ZP3: variants seen among roughly 807,000 people sequenced by gnomAD.
The protein encoded by ZP3 is zona pellucida glycoprotein 3.
In ZP3, 21 loss-of-function variants were observed where a neutral mutation model predicts 35.6. The ratio of observed to expected loss-of-function variants is 0.59; its 90% confidence interval spans 0.42 to 0.85. ZP3 has a LOEUF of 0.85. Among genes scored for constraint, ZP3 ranks in the 40% least tolerant of loss-of-function variants. The pLI, the probability that ZP3 is intolerant of heterozygous loss-of-function variation, is 0.00. For synonymous variants in ZP3, 207 were observed against 214.5 expected (o/e 0.96, Z 0.31); for missense variants, 437 against 536.5 (o/e 0.81, Z 1.83).
chr7:76,406,784 G>C (rs1416258793), intron 1 of ZP3, among the ~76,000 whole-genome samples: 1 of 139,378 alleles, frequency 7.2e-6, no homozygotes, highest in South Asian at 2.3e-4. Flanking sequence ...TCCTAAATCA[G>C]AAAAAAAAAA....
intron 1 of ZP3, among the ~76,000 whole-genome samples, chr7:76,410,287 T>C (rs1480007851): frequency 1.3e-5 from 2 of 151,790 alleles, no homozygotes; most frequent in African/African-American, 4.8e-5. Flanking sequence ...TGCCTCGGCC[T>C]CCCAAAGTGC....
chr7:76,421,638 A>T (rs905483229), upstream of ZP3, among the ~76,000 whole-genome samples: 10 of 150,640 alleles, frequency 6.6e-5, no homozygotes, highest in Non-Finnish European at 1.5e-4. Flanking sequence ...AGTCTCGCCC[A>T]GGCTGGAGTG....
chr7:76,418,961 A>G (rs1026232792), intron 1 of ZP3, among the ~76,000 whole-genome samples: 6 of 152,202 alleles, frequency 3.9e-5, no homozygotes, highest in African/African-American at 1.4e-4. Context: ...AACAGAAAGT[A>G]TCAGAGAGAC....
chr7:76,432,711 G>GT (rs1223945409), intron 2 of ZP3, among the ~76,000 whole-genome samples: 1 of 152,198 alleles, frequency 6.6e-6, no homozygotes, highest in East Asian at 1.9e-4. Flanking sequence ...CATAGCATCA[G>GT]TTAGGATGGC....
intron 1 of ZP3, among the ~76,000 whole-genome samples, chr7:76,404,768 A>C (rs1005029249): frequency 6.6e-6 from 1 of 150,830 alleles, no homozygotes; most frequent in Admixed American, 6.6e-5. Context: ...CCTGTCTGTT[A>C]CCAAAAAATG....
At chr7:76,436,030 C>CTTTTTTTTTTTTTTT (rs60553917) in intron 5 of ZP3, among the ~76,000 whole-genome samples, 4 of 74,358 alleles carry the variant, frequency 5.4e-5, no homozygotes, top group East Asian at 5.5e-4. Context: ...CCCCCGCCCC[C>CTTTTTTTTTTTTTTT]TTTTTTTTTT....
chr7:76,404,475 A>C, intron 1 of ZP3: 1 of 1,613,670 alleles, frequency 6.2e-7, no homozygotes, highest in Non-Finnish European at 8.5e-7. Context: ...GCTCCCATCA[A>C]GGCGCCAGGG....
upstream of ZP3, among the ~76,000 whole-genome samples, chr7:76,421,889 G>C (rs1244772726): frequency 1.3e-5 from 2 of 149,814 alleles, no homozygotes; most frequent in Non-Finnish European, 3.0e-5. Flanking sequence ...CCTTGCAGTA[G>C]ACTTTTGTTG....
chr7:76,436,029 CCTTTTTTTTTTTTTT>C, intron 5 of ZP3, among the ~76,000 whole-genome samples: 2 of 128,100 alleles, frequency 1.6e-5, no homozygotes, highest in Non-Finnish European at 3.3e-5. Flanking sequence ...CCCCCCGCCC[CCTTTTTTTTTTTTTT>C]TTTTTTTTTT....
In ZP3 at chr7:76,432,980, C is replaced by T. The variant is rs200478046; in HGVS notation, c.485C>T (p.Thr162Ile). 33 of 1,614,116 alleles carry T rather than the reference C, an allele frequency of 2.0e-5. No homozygotes were observed. The highest frequency in any genetic ancestry group is 1.6e-4 in the Middle Eastern group (1 of 6,062). Residue 162 changes from threonine (T) to isoleucine (I), a missense_variant, in exon 3 of 8, where the codon ACC (threonine) becomes ATC (isoleucine). Around this residue, in one of 6 missense-constraint regions of ZP3, gnomAD observed 352 missense variants for 308.4 expected, o/e 1.14. Transcript: ENST00000394857. ...CTGCCCACCTGGTTGCCCTTCAGGA[C>T]CACGGTGTTCTCAGAGGAGAAGCTG... ...AILPTWLPFR[T>I]TVFSEEKLTF...
intron 1 of ZP3, among the ~76,000 whole-genome samples, chr7:76,418,722 G>GGT (rs1563693742): frequency 0.01 from 1,566 of 152,012 alleles, 27 homozygotes; most frequent in African/African-American, 0.036. Context: ...CGGGCGTGGT[G>GGT]GCAGGCGCCT....
intron 1 of ZP3, among the ~76,000 whole-genome samples, chr7:76,407,535 C>T (rs577684321): frequency 2.0e-5 from 3 of 151,900 alleles, no homozygotes; most frequent in Non-Finnish European, 2.9e-5. Context: ...ATTTCAAGAC[C>T]GGCCTAGGCA....
rs201006719 is a variant in ZP3 at position 76,433,002 on chromosome 7, G to A, written c.507G>A (p.Lys169=). The A allele has an allele frequency of 1.2e-6, 2 of 1,614,140 alleles. No homozygotes were observed. Among genetic ancestry groups the A allele is most frequent in the Non-Finnish European group, 8.5e-7 (1 of 1,180,022 alleles). Reference sequence around the variant, plus strand: ...GGACCACGGTGTTCTCAGAGGAGAAGCTGACTTTCTCTCTGCGTCTGATGG... The same window carrying A: ...GGACCACGGTGTTCTCAGAGGAGAAACTGACTTTCTCTCTGCGTCTGATGG... ...PFRTTVFSEE[K]LTFSLRLMEE... The change falls in exon 3 of 8, where the codon AAG becomes AAA. Residue 169 remains lysine, a synonymous_variant. Transcript: ENST00000394857.
chr7:76,397,925 C>A, intron 1 of ZP3: 5 of 1,285,246 alleles, frequency 3.9e-6, no homozygotes, highest in Non-Finnish European at 4.2e-6. Flanking sequence ...GGATCTACAA[C>A]CCTTGGGCAT....
At position 76,413,437 on chromosome 7, in the gene ZP3, A is replaced by AT. The variant is rs200182707; in HGVS notation, c.-66-11606dup. On this transcript the variant is annotated intron_variant, in intron 1 of 8. Coordinates refer to the ZP3 transcript ENST00000336517. ...GCCACCACAACTTGCTAATTTCTGTATTTTTTTTTAGTAGAGTCAGGGTTT... is the reference window on the plus strand; with the variant it reads ...GCCACCACAACTTGCTAATTTCTGTATTTTTTTTTTAGTAGAGTCAGGGTTT... Among the ~76,000 whole-genome samples the AT allele has an allele frequency of 4.1e-3, 603 of 147,390 alleles. 4 individuals carry two copies. Among genetic ancestry groups the AT allele is most frequent in the African/African-American group, 0.014 (566 of 39,894 alleles).
intron 5 of ZP3, among the ~76,000 whole-genome samples, chr7:76,435,042 C>CT: frequency 6.6e-6 from 1 of 152,384 alleles, no homozygotes; most frequent in African/African-American, 2.4e-5. Context: ...CCGGGAAGTA[C>CT]TGGTAAGTGG....
chr7:76,432,982 A>T lies in ZP3; in HGVS notation c.487A>T (p.Thr163Ser). 1.9e-6 allele frequency: 3 copies of T among 1,614,118 alleles called. No homozygotes were observed. Among genetic ancestry groups the T allele is most frequent in the Non-Finnish European group, 8.5e-7 (1 of 1,180,020 alleles). The change falls in exon 3 of 8, where the codon ACG becomes TCG. Residue 163 changes from threonine (T) to serine (S), a missense_variant. By Grantham distance (58) the Thr-to-Ser change is moderately conservative (BLOSUM62 1). This residue lies in a region of ZP3 where 352 missense variants were observed against 308.4 expected (regional missense o/e 1.14). Coordinates refer to ENST00000394857, the MANE Select transcript of ZP3 (RefSeq NM_001110354.2). ...GCCCACCTGGTTGCCCTTCAGGACC[A>T]CGGTGTTCTCAGAGGAGAAGCTGAC... Reference protein sequence around the residue: ...ILPTWLPFRTTVFSEEKLTFS... With the variant: ...ILPTWLPFRTSVFSEEKLTFS...
At chr7:76,436,058 TTTTTTTTTTTTTTTTTTG>T (rs1805997432) in intron 5 of ZP3, among the ~76,000 whole-genome samples, 1 of 90,788 alleles carries the variant, frequency 1.1e-5, no homozygotes, top group East Asian at 3.8e-4. Flanking sequence ...TTTTTTTTTT[TTTTTTTTTTTTTTTTTTG>T]AGAGGGTCTC....
chr7:76,422,859 ATGGTGACGGGTGCC>A (rs898588119), upstream of ZP3, among the ~76,000 whole-genome samples: 2 of 145,490 alleles, frequency 1.4e-5, no homozygotes, highest in African/African-American at 5.1e-5. Flanking sequence ...TTAGCCGGGC[ATGGTGACGGGTGCC>A]TGTAATCCCA....
Sources: gnomAD v4.1 joint callset for allele counts (sites outside exome capture counted in the v4.1 genomes callset) on GRCh38, gnomAD v4.1.1 for gene constraint, gnomAD v4.1.1 regional missense constraint, MANE v1.5 for transcripts, NCBI Gene and HGNC (gene_info 2026-07-23, HGNC 2026-07-21) for gene names.